Variants in ZFHX4 observed in about 807,000 individuals in gnomAD.
ZFHX4 encodes the protein zinc finger homeobox protein 4.
In ZFHX4, 56 loss-of-function variants were observed where a neutral mutation model predicts 267.6. The observed-to-expected ratio is 0.21, with a 90% confidence interval of 0.17 to 0.26. ZFHX4 has a LOEUF of 0.26. ZFHX4 is among the 10% of genes least tolerant of loss of function. ZFHX4 has a pLI of 1.00. For missense variants in ZFHX4, 4,332 were observed against 4,420.0 expected (o/e 0.98, Z 0.56); for synonymous variants, 1,778 against 1,665.6 (o/e 1.07, Z -1.64).
intron 3 of ZFHX4, among the ~76,000 whole-genome samples, chr8:76,752,897 A>G (rs1809658424): frequency 6.6e-6 from 1 of 152,168 alleles, no homozygotes; most frequent in Admixed American, 6.5e-5. Flanking sequence ...GAATTGTACA[A>G]TTCCTAAATT....
intron 4 of ZFHX4, among the ~76,000 whole-genome samples, chr8:76,831,628 T>G (rs1328216903): frequency 6.6e-6 from 1 of 152,202 alleles, no homozygotes; most frequent in Non-Finnish European, 1.5e-5. Flanking sequence ...AAGCTGCATT[T>G]GAACAACTCA....
At chr8:76,744,900 G>T (rs150371970) in intron 3 of ZFHX4, among the ~76,000 whole-genome samples, 1 of 152,198 alleles carries the variant, frequency 6.6e-6, no homozygotes, top group East Asian at 1.9e-4. Flanking sequence ...AGATGTTCAG[G>T]CTCCAATCTG....
intron 4 of ZFHX4, among the ~76,000 whole-genome samples, chr8:76,831,374 T>C (rs1478325559): frequency 6.6e-6 from 1 of 151,958 alleles, no homozygotes; most frequent in African/African-American, 2.4e-5. Context: ...AAAAGAGAAA[T>C]GGTTTTTACA....
Position 76,855,311 on chromosome 8 carries a change from A to T in ZFHX4, c.8390A>T (p.Lys2797Ile). 3.7e-6 allele frequency: 6 copies of T among 1,613,808 alleles called. No individual in the cohort carries two copies. The highest frequency in any genetic ancestry group is 5.1e-6 in the Non-Finnish European group (6 of 1,179,846). ...PPAEAGYDQN[K>I]TDFDETSSIN... ...GCTGAGGCTGGGTATGATCAAAATA[A>T]AACCGATTTTGATGAGACTTCATCG... Residue 2797 changes from lysine to isoleucine, a missense_variant, in exon 10 of 11, where the codon AAA becomes ATA. Transcript: ENST00000651372.
Position 76,706,240 on chromosome 8 carries a change from A to G in ZFHX4, c.2152A>G (p.Met718Val), listed in dbSNP as rs1180806584. The G allele has an allele frequency of 2.5e-6, 4 of 1,613,964 alleles. No homozygotes were observed. Among genetic ancestry groups the G allele is most frequent in the African/African-American group, 1.3e-5 (1 of 74,902 alleles). ...TTTKGNLSIH[M>V]QSDKHLNNVQ... Reference sequence around the variant, plus strand: ...TACCAAAGGCAACCTCAGTATTCATATGCAGTCGGACAAGCACCTGAACAA... The same window carrying G: ...TACCAAAGGCAACCTCAGTATTCATGTGCAGTCGGACAAGCACCTGAACAA... The change falls in exon 2 of 11, where the codon ATG (methionine) becomes GTG (valine). Residue 718 changes from methionine to valine, a missense_variant. Physicochemically the swap from Met to Val is conservative, Grantham distance 21. This residue lies in a region of ZFHX4 where 1,195 missense variants were observed against 1,173.6 expected (regional missense o/e 1.02). Transcript: ENST00000651372.
At chr8:76,754,346 G>A (rs554955718) in intron 3 of ZFHX4, among the ~76,000 whole-genome samples, 78 of 152,048 alleles carry the variant, frequency 5.1e-4, no homozygotes, top group Non-Finnish European at 8.4e-4. Flanking sequence ...AAAATTAGCC[G>A]GGCATGGTGG....
At position 76,780,427 on chromosome 8, in the gene ZFHX4, A is replaced by G. The variant is rs372147653; in HGVS notation, c.3325+1988A>G. Among the ~76,000 whole-genome samples, 5 of 152,326 alleles carry G rather than the reference A, an allele frequency of 3.3e-5. No individual in the cohort carries two copies. The East Asian group carries it at 7.7e-4, about 23-fold the overall frequency. ...GATGTGAACTCATTTGATAAACCAA[A>G]TGATATCAGTAGGGAAAAATTCTTG... is the stretch of plus-strand genomic sequence containing the variant. On this transcript the variant is annotated intron_variant, in intron 4 of 10. Transcript: ENST00000651372.
chr8:76,800,350 C>T (rs1811087957), intron 4 of ZFHX4, among the ~76,000 whole-genome samples: 1 of 152,154 alleles, frequency 6.6e-6, no homozygotes, highest in Non-Finnish European at 1.5e-5. Context: ...TCAAGTGCTG[C>T]ATTTGCATTT....
Position 76,851,410 on chromosome 8 carries a change from G to A in ZFHX4, c.4489G>A (p.Gly1497Arg). 1 of 1,613,864 alleles carries A rather than the reference G, an allele frequency of 6.2e-7. No individual in the cohort carries two copies. Among genetic ancestry groups the A allele is most frequent in the Non-Finnish European group, 8.5e-7 (1 of 1,179,864 alleles). ...GAGAGAGTATGAGGTGGACCACGAA[G>A]GGAAAGCAAGTCCTGTAGGAAGTGA... ...MEREYEVDHE[G>R]KASPVGSDSS... The change falls in exon 10 of 11, where the codon GGG becomes AGG. Residue 1497 changes from glycine (G) to arginine (R), a missense_variant. By Grantham distance (125) the Gly-to-Arg change is moderately radical. Transcript: ENST00000651372.
At chr8:76,819,193 T>C (rs1272163483) in intron 4 of ZFHX4, among the ~76,000 whole-genome samples, 1 of 151,132 alleles carries the variant, frequency 6.6e-6, no homozygotes, top group Non-Finnish European at 1.5e-5. Context: ...TTTTTCCTCA[T>C]GATTTTAATG....
At chr8:76,696,310 T>C (rs1246247499) in intron 1 of ZFHX4, among the ~76,000 whole-genome samples, 1 of 152,152 alleles carries the variant, frequency 6.6e-6, no homozygotes, top group African/African-American at 2.4e-5. Flanking sequence ...TTTGAATCAA[T>C]ACAATTAAGC....
intron 3 of ZFHX4, among the ~76,000 whole-genome samples, chr8:76,712,803 C>G (rs768119518): frequency 6.6e-6 from 1 of 151,814 alleles, no homozygotes; most frequent in African/African-American, 2.4e-5. Flanking sequence ...ATGTTCATTT[C>G]AAGGTTGAAA....
At chr8:76,768,709 G>C (rs1485615159) in intron 3 of ZFHX4, among the ~76,000 whole-genome samples, 2 of 152,098 alleles carry the variant, frequency 1.3e-5, no homozygotes, top group East Asian at 3.9e-4. Flanking sequence ...CCCAGAAGGA[G>C]ATAATTTGGG....
rs1347298670 is a variant in ZFHX4 at position 76,852,627 on chromosome 8, A to T, written c.5706A>T (p.Ser1902=). The T allele has an allele frequency of 1.9e-6, 3 of 1,612,862 alleles. No homozygotes were observed. Among genetic ancestry groups the T allele is most frequent in the Non-Finnish European group, 2.5e-6 (3 of 1,179,368 alleles). ...CCATCCCACCACCCCGAATAGCTTC[A>T]GGGGCCAGAGGAAATGCTGCCAAAG... ...EPSIPPPRIA[S]GARGNAAKAL... The change falls in exon 10 of 11, where the codon TCA becomes TCT. Residue 1902 remains serine, a synonymous_variant. Transcript: ENST00000651372.
chr8:76,806,390 C>G (rs760651023), intron 4 of ZFHX4, among the ~76,000 whole-genome samples: 2 of 152,048 alleles, frequency 1.3e-5, no homozygotes, highest in Non-Finnish European at 2.9e-5. Flanking sequence ...TCAACATTCT[C>G]CAAAGCCTGC....
At chr8:76,757,743 T>A (rs192920632) in intron 3 of ZFHX4, among the ~76,000 whole-genome samples, 1 of 152,316 alleles carries the variant, frequency 6.6e-6, no homozygotes, top group Non-Finnish European at 1.5e-5. Flanking sequence ...ACCATGCCTA[T>A]GTCTCTTGCT....
At chr8:76,768,816 G>C (rs553451625) in intron 3 of ZFHX4, among the ~76,000 whole-genome samples, 43 of 152,232 alleles carry the variant, frequency 2.8e-4, no homozygotes, top group African/African-American at 9.4e-4. Context: ...TAAACAAAGA[G>C]AGAAAATGAA....
At position 76,706,414 on chromosome 8, in the gene ZFHX4, A is replaced by G; in HGVS notation, c.2326A>G (p.Thr776Ala). The change falls in exon 2 of 11, where the codon ACC becomes GCC. Residue 776 changes from threonine (T) to alanine (A), a missense_variant. Coordinates refer to ENST00000651372, the MANE Select transcript of ZFHX4 (RefSeq NM_024721.5). ...GCGGTGTGAAGTTTGTGATTATGAA[A>G]CCAATGTCGCCAGGAACCTCCGAAT... ...TWRCEVCDYETNVARNLRIHM... is the reference protein window; with the variant it reads ...TWRCEVCDYEANVARNLRIHM... 6.2e-7 allele frequency: 1 copy of G among 1,614,146 alleles called. No individual in the cohort carries two copies. Among genetic ancestry groups the G allele is most frequent in the Non-Finnish European group, 8.5e-7 (1 of 1,180,002 alleles).
rs374378551 is a variant in ZFHX4 at position 76,704,237 on chromosome 8, A to G, written c.149A>G (p.Asn50Ser). 14 of 1,613,884 alleles carry G rather than the reference A, an allele frequency of 8.7e-6. No homozygotes were observed. The African/African-American group carries it at 9.3e-5, about 11-fold the overall frequency. The part of the protein sequence containing the change: ...PDRENSSTDD[N>S]LKTDERKSEA... The stretch of plus-strand genomic sequence containing the variant: ...AGGGAAAACAGCTCCACAGATGACA[A>G]CCTGAAAACGGATGAGCGCAAAAGT... The change falls in exon 2 of 11, where the codon AAC becomes AGC. Residue 50 changes from asparagine (N) to serine (S), a missense_variant. By Grantham distance (46) the Asn-to-Ser change is conservative. Transcript: ENST00000651372.
Sources: gnomAD v4.1 joint callset for allele counts (sites outside exome capture counted in the v4.1 genomes callset) on GRCh38, gnomAD v4.1.1 for gene constraint, gnomAD v4.1.1 regional missense constraint, MANE v1.5 for transcripts, NCBI Gene and HGNC (gene_info 2026-07-23, HGNC 2026-07-21) for gene names.